ZNF761: variants seen among roughly 807,000 people sequenced by gnomAD.
ZNF761 encodes the protein zinc finger protein 761.
A neutral mutation model predicts 59.9 loss-of-function variants in ZNF761; 43 were observed. That is an observed-to-expected ratio of 0.72 (90% CI 0.56 to 0.92). The LOEUF is 0.92. Among genes scored for constraint, ZNF761 ranks in the 40% least tolerant of loss-of-function variants. The pLI, the probability that ZNF761 is intolerant of heterozygous loss-of-function variation, is 0.00. For missense variants in ZNF761, 850 were observed against 906.1 expected (o/e 0.94, Z 0.79); for synonymous variants, 294 against 304.8 (o/e 0.96, Z 0.37).
intron 4 of ZNF761, chr19:53,449,899 T>C (rs1004698098): frequency 5.4e-6 from 4 of 734,682 alleles, no homozygotes; most frequent in Non-Finnish European, 8.4e-6. Flanking sequence ...GCTGTGTTGT[T>C]GAAATTCATC....
chr19:53,456,021 G>C lies in ZNF761; in HGVS notation c.1514G>C (p.Arg505Pro). The change falls in exon 5 of 5, where the codon CGG (arginine) becomes CCG (proline). Residue 505 changes from arginine (R) to proline (P), a missense_variant. Transcript: ENST00000684525. Reference sequence around the variant, plus strand: ...AATGAGTGTGGCAAGACCTTTAGTCGGAAGTCATACCTCACATGCCATCAT... The same window carrying C: ...AATGAGTGTGGCAAGACCTTTAGTCCGAAGTCATACCTCACATGCCATCAT... ...KCNECGKTFS[R>P]KSYLTCHHRL... 6.2e-7 allele frequency: 1 copy of C among 1,610,408 alleles called. No individual in the cohort carries two copies. Among genetic ancestry groups the C allele is most frequent in the Non-Finnish European group, 8.5e-7 (1 of 1,178,774 alleles).
Position 53,454,932 on chromosome 19 carries a change from C to G in ZNF761, c.425C>G (p.Ser142Ter), listed in dbSNP as rs1250427658. 2 of 1,614,138 alleles carry G rather than the reference C, an allele frequency of 1.2e-6. No homozygotes were observed. Among genetic ancestry groups the G allele is most frequent in the Non-Finnish European group, 1.7e-6 (2 of 1,180,034 alleles). Reference protein sequence around the residue: ...RNKPIKDQLGSSFHSHLPEMH... With the variant: ...RNKPIKDQLG ...AAGCCTATTAAAGATCAGCTTGGAT[C>G]AAGCTTTCATTCGCATCTGCCTGAA... The change falls in exon 5 of 5, where the codon TCA (serine) becomes TGA (stop). Residue 142 changes from serine (S) to a stop codon, truncating the protein, a stop_gained. Coordinates refer to ENST00000684525, the MANE Select transcript of ZNF761 (RefSeq NM_001289951.2). LOFTEE classifies it high-confidence loss of function.
intron 1 of ZNF761, chr19:53,441,816 G>A (rs1267747627): frequency 4.4e-6 from 6 of 1,353,030 alleles, no homozygotes; most frequent in South Asian, 1.2e-5. Context: ...GCAATGCCGA[G>A]TGGAGGAAGG....
At chr19:53,454,611 G>C (rs148293146) in intron 4 of ZNF761, 39 bp from the exon 5 acceptor site, 3 of 1,534,908 alleles carry the variant, frequency 2.0e-6, no homozygotes, top group South Asian at 2.6e-5. Context: ...TTTACCATCT[G>C]TACTTAATTT....
chr19:53,452,947 ATTTGATTTATAAAATG>A lies in ZNF761; in HGVS notation c.143-1699_143-1684del, dbSNP rs558414980. Among the ~76,000 whole-genome samples, 5 of 152,288 alleles carry A rather than the reference ATTTGATTTATAAAATG, an allele frequency of 3.3e-5. No individual in the cohort carries two copies. In the East Asian group the frequency reaches 9.7e-4, roughly 29 times the overall value. ...ATATTTTTTATGTTTTTATTGTGCA[ATTTGATTTATAAAATG>A]TTTTCTCTGATCTTAGTTTAAAATT... is the stretch of plus-strand genomic sequence containing the variant. On this transcript the variant is annotated intron_variant, in intron 4 of 4. Transcript: ENST00000684525.
intron 4 of ZNF761, among the ~76,000 whole-genome samples, chr19:53,451,892 C>CAA (rs1217720524): frequency 6.6e-6 from 1 of 151,864 alleles, no homozygotes; most frequent in Non-Finnish European, 1.5e-5. Flanking sequence ...TGGCCAGCCT[C>CAA]AAAGTTTTTA....
chr19:53,454,711 G>T lies in ZNF761; in HGVS notation c.204G>T (p.Val68=). ...CAACAGCGCAAGGCAACAGAGAAGT[G>T]TTCCATGCAGGGACATTGCAAATAC... ...FLSTAQGNRE[V]FHAGTLQIHE... The change falls in exon 5 of 5, where the codon GTG becomes GTT. Residue 68 remains valine (V), a synonymous_variant. Coordinates refer to ENST00000684525, the MANE Select transcript of ZNF761 (RefSeq NM_001289951.2). The T allele has an allele frequency of 1.2e-6, 2 of 1,613,804 alleles. No individual in the cohort carries two copies. Among genetic ancestry groups the T allele is most frequent in the Non-Finnish European group, 1.7e-6 (2 of 1,179,826 alleles).
chr19:53,450,037 G>T, intron 4 of ZNF761: 3 of 424,352 alleles, frequency 7.1e-6, no homozygotes, highest in South Asian at 6.8e-5. Flanking sequence ...GGGCTTGGTG[G>T]CTCACGCCTG....
Position 53,455,783 on chromosome 19 carries a change from G to A in ZNF761, c.1276G>A (p.Glu426Lys). 1 of 1,613,292 alleles carries A rather than the reference G, an allele frequency of 6.2e-7. No individual in the cohort carries two copies. The highest frequency in any genetic ancestry group is 8.5e-7 in the Non-Finnish European group (1 of 1,179,900). The change falls in exon 5 of 5, where the codon GAA becomes AAA. Residue 426 changes from glutamate to lysine, a missense_variant. Coordinates refer to ENST00000684525, the MANE Select transcript of ZNF761 (RefSeq NM_001289951.2). ...DKAYSFRSNF[E>K]IHRKIHTEDN... ...AGCTTACAGTTTCAGATCAAATTTTGAAATACATCGGAAAATTCATACTGA... is the reference window on the plus strand; with the variant it reads ...AGCTTACAGTTTCAGATCAAATTTTAAAATACATCGGAAAATTCATACTGA...
At chr19:53,432,948 G>T in intron 1 of ZNF761, among the ~76,000 whole-genome samples, 2 of 151,680 alleles carry the variant, frequency 1.3e-5, no homozygotes, top group Non-Finnish European at 2.9e-5. Context: ...TGGAGCCAGG[G>T]CAGACAGAGC....
chr19:53,446,571 C>T (rs1040448010), intron 2 of ZNF761, among the ~76,000 whole-genome samples: 1 of 152,080 alleles, frequency 6.6e-6, no homozygotes, highest in Non-Finnish European at 1.5e-5. Flanking sequence ...TGGGGTTTCA[C>T]TGTGTTGGCA....
chr19:53,454,780 T>C lies in ZNF761; in HGVS notation c.273T>C (p.Asp91=). The change falls in exon 5 of 5, where the codon GAT becomes GAC. Residue 91 remains aspartate (D), a synonymous_variant. Coordinates refer to ENST00000684525, the MANE Select transcript of ZNF761 (RefSeq NM_001289951.2). ...GAGATTTTTGCTACCAGGATGTTGATAAAGATATTCATGACTATGAATTTC... is the reference window on the plus strand; with the variant it reads ...GAGATTTTTGCTACCAGGATGTTGACAAAGATATTCATGACTATGAATTTC... ...HNGDFCYQDV[D]KDIHDYEFQW... The C allele has an allele frequency of 1.9e-6, 3 of 1,614,130 alleles. No individual in the cohort carries two copies. The highest frequency in any genetic ancestry group is 2.5e-6 in the Non-Finnish European group (3 of 1,180,032).
At chr19:53,452,626 A>G (rs2086231563) in intron 4 of ZNF761, among the ~76,000 whole-genome samples, 1 of 152,214 alleles carries the variant, frequency 6.6e-6, no homozygotes, top group Non-Finnish European at 1.5e-5. Context: ...TTTCTCATGA[A>G]TTTGGAAAGT....
At chr19:53,435,634 G>T (rs2086033508) in intron 1 of ZNF761, among the ~76,000 whole-genome samples, 1 of 152,004 alleles carries the variant, frequency 6.6e-6, no homozygotes, top group South Asian at 2.1e-4. Flanking sequence ...GTGAGTCCTT[G>T]TACACTCATA....
Position 53,455,502 on chromosome 19 carries a change from G to T in ZNF761, c.995G>T (p.Gly332Val), listed in dbSNP as rs1040614860. 1 of 1,613,892 alleles carries T rather than the reference G, an allele frequency of 6.2e-7. No individual in the cohort carries two copies. Among genetic ancestry groups the T allele is most frequent in the East Asian group, 2.2e-5 (1 of 44,876 alleles). Residue 332 changes from glycine to valine, a missense_variant, in exon 5 of 5, where the codon GGC becomes GTC. Coordinates refer to ENST00000684525, the MANE Select transcript of ZNF761 (RefSeq NM_001289951.2). ...EEKPYKCNEC[G>V]KTFRQKSILT... Reference sequence around the variant, plus strand: ...AAACCATATAAGTGTAATGAGTGTGGCAAGACCTTTAGGCAGAAGTCAATC... The same window carrying T: ...AAACCATATAAGTGTAATGAGTGTGTCAAGACCTTTAGGCAGAAGTCAATC...
Position 53,456,082 on chromosome 19 carries a change from T to C in ZNF761, c.1575T>C (p.Asn525=), listed in dbSNP as rs113900139. ...LHTGEKAYKC[N]ECGKTFSWKS... The stretch of plus-strand genomic sequence containing the variant: ...CTGGAGAGAAAGCTTACAAGTGTAA[T>C]GAGTGCGGCAAGACCTTTAGTTGGA... The change falls in exon 5 of 5, where the codon AAT becomes AAC. Residue 525 remains asparagine (N), a synonymous_variant. Coordinates refer to ENST00000684525, the MANE Select transcript of ZNF761 (RefSeq NM_001289951.2). 4.4e-6 allele frequency: 7 copies of C among 1,598,822 alleles called. No homozygotes were observed. Among genetic ancestry groups the C allele is most frequent in the African/African-American group, 4.0e-5 (3 of 74,088 alleles).
At chr19:53,440,766 C>G (rs537886083) in intron 1 of ZNF761, among the ~76,000 whole-genome samples, 1 of 152,274 alleles carries the variant, frequency 6.6e-6, no homozygotes, top group East Asian at 1.9e-4. Flanking sequence ...GCCTCGACCT[C>G]CTGGGCTCAA....
intron 1 of ZNF761, among the ~76,000 whole-genome samples, chr19:53,437,663 T>C (rs1241988192): frequency 6.6e-6 from 1 of 152,204 alleles, no homozygotes; most frequent in Admixed American, 6.5e-5. Context: ...TGCCTTTTGG[T>C]GGCCTCTGCA....
At chr19:53,444,894 T>C (rs2086139356) in intron 1 of ZNF761, 1 of 152,222 alleles carries the variant, frequency 6.6e-6, no homozygotes, top group Non-Finnish European at 1.5e-5. Context: ...CTCTTTATAT[T>C]ATGTCAGACT....
Sources: gnomAD v4.1 joint callset for allele counts (sites outside exome capture counted in the v4.1 genomes callset) on GRCh38, gnomAD v4.1.1 for gene constraint, MANE v1.5 for transcripts, NCBI Gene and HGNC (gene_info 2026-07-23, HGNC 2026-07-21) for gene names.